Variants in TP63 observed in about 807,000 individuals in gnomAD.
The protein encoded by TP63 is tumor protein p63.
TP63 carries 17 observed loss-of-function variants against 82.8 expected under a neutral mutation model. The observed-to-expected ratio is 0.21, with a 90% CI of 0.14 to 0.31. The LOEUF (loss-of-function observed/expected upper bound fraction) is 0.31, where lower values mean the gene tolerates loss of function less well. Among genes scored for constraint, TP63 ranks in the 10% least tolerant of loss-of-function variants. The probability of loss-of-function intolerance (pLI) is 1.00; values close to 1 mark genes in which losing one functional copy is unlikely to be tolerated. For missense variants in TP63, 648 were observed against 895.3 expected (o/e 0.72, Z 3.52); for synonymous variants, 330 against 321.7 (o/e 1.03, Z -0.28).
At chr3:189,615,807 G>A in the TP63 span, among the ~76,000 whole-genome samples, 2 of 152,212 alleles carry the variant, frequency 1.3e-5, no homozygotes, top group East Asian at 3.9e-4. Flanking sequence ...ACTTTAGGAA[G>A]ATTTCTTCTC....
At chr3:189,773,493 A>G (rs1253940597) in intron 3 of TP63, among the ~76,000 whole-genome samples, 1 of 152,218 alleles carries the variant, frequency 6.6e-6, no homozygotes, top group Non-Finnish European at 1.5e-5. Flanking sequence ...GTTAATTCAC[A>G]CAAAGAGAGT....
At chr3:189,714,500 A>G (rs1718814849) in intron 1 of TP63, among the ~76,000 whole-genome samples, 1 of 152,222 alleles carries the variant, frequency 6.6e-6, no homozygotes, top group Non-Finnish European at 1.5e-5. Context: ...ATGTTCGTAC[A>G]CCAATTATGC....
chr3:189,889,929 TG>T (rs1310059980), intron 12 of TP63, among the ~76,000 whole-genome samples: 3 of 152,210 alleles, frequency 2.0e-5, no homozygotes, highest in African/African-American at 7.2e-5. Flanking sequence ...AAAGTTTTAA[TG>T]TTATCCAAAA....
rs571704226 is a variant in TP63, at chr3:189,691,264, G to A, written c.63-46476G>A. Among the ~76,000 whole-genome samples the A allele has an allele frequency of 9.3e-5, 14 of 149,824 alleles. No homozygotes were observed. In the East Asian group the frequency reaches 2.6e-3, roughly 27 times the overall value. On this transcript the variant is annotated intron_variant, in intron 1 of 13. Transcript: ENST00000264731. ...TGACACAGGAGAATCTCTTCAACCC[G>A]GGAGGTGGAGGTTACAGTGAGCTGA...
chr3:189,773,400 G>A (rs148215684), intron 3 of TP63, among the ~76,000 whole-genome samples: 146 of 152,308 alleles, frequency 9.6e-4, no homozygotes, highest in African/African-American at 3.4e-3. Context: ...AAACCATTGT[G>A]AAGTAAAGTC....
In TP63 at chr3:189,864,377, A is replaced by G. The variant is rs201617537; in HGVS notation, c.725A>G (p.Lys242Arg). Residue 242 changes from lysine to arginine, a missense_variant, in exon 5 of 14, where the codon AAG becomes AGG. This residue lies in a region of TP63 where 64 missense variants were observed against 144.2 expected (regional missense o/e 0.44). Coordinates refer to ENST00000264731, the MANE Select transcript of TP63 (RefSeq NM_003722.5). Reference sequence around the variant, plus strand: ...GCTGAGCACGTCACGGAGGTGGTGAAGCGGTGCCCCAACCATGAGCTGAGC... The same window carrying G: ...GCTGAGCACGTCACGGAGGTGGTGAGGCGGTGCCCCAACCATGAGCTGAGC... ...KKAEHVTEVV[K>R]RCPNHELSRE... The G allele has an allele frequency of 5.0e-6, 8 of 1,614,022 alleles. No individual in the cohort carries two copies. Among genetic ancestry groups the G allele is most frequent in the South Asian group, 1.1e-5 (1 of 91,076 alleles).
At chr3:189,600,608 A>T in the TP63 span, among the ~76,000 whole-genome samples, 5 of 151,634 alleles carry the variant, frequency 3.3e-5, no homozygotes, top group Non-Finnish European at 7.4e-5. Flanking sequence ...TTGTTATTAA[A>T]CTCTACTGCC....
chr3:189,635,040 T>G lies in TP63; in HGVS notation c.62+3463T>G, dbSNP rs575811625. Among the ~76,000 whole-genome samples, 14 of 152,188 alleles carry G rather than the reference T, an allele frequency of 9.2e-5. No individual in the cohort carries two copies. In the East Asian group the frequency reaches 2.3e-3, roughly 25 times the overall value. On this transcript the variant is annotated intron_variant, in intron 1 of 13. Coordinates refer to ENST00000264731, the MANE Select transcript of TP63 (RefSeq NM_003722.5). ...AACCAGTTAAAATGATAAACATGAA[T>G]CAAAATTAAATTTTGAAATTATGTG... is the stretch of plus-strand genomic sequence containing the variant.
At chr3:189,689,103 TC>T (rs542294848) in intron 1 of TP63, among the ~76,000 whole-genome samples, 1,138 of 26,090 alleles carry the variant, frequency 0.044, 247 homozygotes, top group African/African-American at 0.073. Flanking sequence ...TCTACCTTTT[TC>T]TTTTTTTTTT....
At chr3:189,607,661 A>G in the TP63 span, among the ~76,000 whole-genome samples, 2 of 151,908 alleles carry the variant, frequency 1.3e-5, no homozygotes, top group South Asian at 4.1e-4. Flanking sequence ...ATTAGAATAT[A>G]TAATAATAGT....
chr3:189,672,650 G>GGAAGGAAAGA (rs1560099951), intron 1 of TP63, among the ~76,000 whole-genome samples: 60 of 103,130 alleles, frequency 5.8e-4, no homozygotes, highest in Non-Finnish European at 9.5e-4. Flanking sequence ...GGGAGGGAGG[G>GGAAGGAAAGA]AGGAAGGAAG....
chr3:189,607,155 T>G, the TP63 span, among the ~76,000 whole-genome samples: 1 of 152,084 alleles, frequency 6.6e-6, no homozygotes, highest in Non-Finnish European at 1.5e-5. Context: ...TGAGGCTCTG[T>G]CATTGGGGAA....
At position 189,868,559 on chromosome 3, in the gene TP63, C is replaced by G. The variant is rs746653717; in HGVS notation, c.993-21C>G. 14 of 1,613,496 alleles carry G rather than the reference C, an allele frequency of 8.7e-6. No individual in the cohort carries two copies. The African/African-American group carries it at 1.9e-4, about 22-fold the overall frequency. On this transcript the variant is annotated intron_variant, in intron 7 of 13. Coordinates refer to ENST00000264731, the MANE Select transcript of TP63 (RefSeq NM_003722.5). ...AATGCTTTGAATTTAACTCTTTCTT[C>G]CCCTTTATTCTAATTCCTAGTGGGC...
intron 1 of TP63, among the ~76,000 whole-genome samples, chr3:189,650,604 C>A (rs1432466622): frequency 2.0e-5 from 3 of 147,222 alleles, no homozygotes; most frequent in Non-Finnish European, 4.5e-5. Flanking sequence ...AAGAAGGATG[C>A]ATTTGCTTCC....
chr3:189,606,123 T>C, the TP63 span, among the ~76,000 whole-genome samples: 4 of 152,230 alleles, frequency 2.6e-5, no homozygotes, highest in Non-Finnish European at 4.4e-5. Flanking sequence ...TTGCTATTCA[T>C]AATTTACAAT....
chr3:189,866,325 A>C (rs1053506596), intron 5 of TP63, among the ~76,000 whole-genome samples: 2 of 152,080 alleles, frequency 1.3e-5, no homozygotes, highest in East Asian at 3.9e-4. Context: ...TTTTAAATTA[A>C]TTTGCTTATT....
intron 1 of TP63, among the ~76,000 whole-genome samples, chr3:189,697,554 AG>A (rs934220094): frequency 6.6e-6 from 1 of 152,000 alleles, no homozygotes; most frequent in Non-Finnish European, 1.5e-5. Flanking sequence ...CATAAACTTC[AG>A]AGTGAGTTTG....
intron 3 of TP63, among the ~76,000 whole-genome samples, chr3:189,743,633 CA>C (rs1196175173): frequency 6.6e-6 from 1 of 152,072 alleles, no homozygotes; most frequent in East Asian, 1.9e-4. Context: ...AAGGAGTCTT[CA>C]AAATGGTTGA....
At chr3:189,645,305 T>A in intron 1 of TP63, 1 of 490,766 alleles carries the variant, frequency 2.0e-6, no homozygotes, top group Non-Finnish European at 3.9e-6. Flanking sequence ...TGAACTGCCC[T>A]TCTTTGGTTC....
Sources: gnomAD v4.1 joint callset for allele counts (sites outside exome capture counted in the v4.1 genomes callset) on GRCh38, gnomAD v4.1.1 for gene constraint, gnomAD v4.1.1 regional missense constraint, MANE v1.5 for transcripts, NCBI Gene and HGNC (gene_info 2026-07-23, HGNC 2026-07-21) for gene names.